DCDC2: variants seen among roughly 807,000 people sequenced by gnomAD.
DCDC2 encodes doublecortin domain containing 2, also known as doublecortin domain-containing protein 2.
DCDC2 carries 40 observed loss-of-function variants against 50.2 expected under a neutral mutation model. The observed-to-expected ratio is 0.80, with a 90% confidence interval of 0.62 to 1.04. The LOEUF (loss-of-function observed/expected upper bound fraction) is 1.04. Among genes scored for constraint, DCDC2 ranks in the 50% least tolerant of loss-of-function variants. DCDC2 has a pLI of 0.00. For missense variants in DCDC2, 570 were observed against 581.9 expected (o/e 0.98, Z 0.21); for synonymous variants, 234 against 210.6 (o/e 1.11, Z -0.96).
At chr6:24,185,723 A>C (rs1004984509) in intron 8 of DCDC2, among the ~76,000 whole-genome samples, 2 of 140,238 alleles carry the variant, frequency 1.4e-5, no homozygotes, top group Non-Finnish European at 3.1e-5. Context: ...ACACACACAC[A>C]CACATATACA....
intron 1 of DCDC2, chr6:24,357,214 C>G (rs758496257): frequency 8.0e-5 from 32 of 401,626 alleles, no homozygotes; most frequent in Admixed American, 2.0e-4. Context: ...CTTTAAGATT[C>G]CTGTTGTTTA....
chr6:24,180,576 C>A (rs970921031), intron 8 of DCDC2, among the ~76,000 whole-genome samples: 1 of 151,840 alleles, frequency 6.6e-6, no homozygotes, highest in Non-Finnish European at 1.5e-5. Flanking sequence ...GCATGAGCCA[C>A]CATGCCCGGC....
At chr6:24,322,237 T>C (rs1311231824) in intron 2 of DCDC2, among the ~76,000 whole-genome samples, 1 of 152,192 alleles carries the variant, frequency 6.6e-6, no homozygotes, top group African/African-American at 2.4e-5. Flanking sequence ...TCTGATTTTT[T>C]ATCTTGCCCA....
At chr6:24,368,940 C>T in the DCDC2 span, among the ~76,000 whole-genome samples, 1 of 152,060 alleles carries the variant, frequency 6.6e-6, no homozygotes, top group South Asian at 2.1e-4. Context: ...TCAAGACAAG[C>T]TTGGCCAACA....
chr6:24,355,022 C>T (rs576334936), intron 1 of DCDC2, among the ~76,000 whole-genome samples: 1 of 152,112 alleles, frequency 6.6e-6, no homozygotes, highest in Non-Finnish European at 1.5e-5. Flanking sequence ...ACAGTTTCTC[C>T]ATTCTTTACA....
chr6:24,207,062 T>C (rs1031657774), intron 7 of DCDC2, among the ~76,000 whole-genome samples: 2 of 152,336 alleles, frequency 1.3e-5, no homozygotes, highest in East Asian at 3.9e-4. Context: ...CCATAAACAT[T>C]ATATAAAATT....
chr6:24,329,602 G>A (rs1314117551), intron 2 of DCDC2, among the ~76,000 whole-genome samples: 1 of 152,122 alleles, frequency 6.6e-6, no homozygotes, highest in Non-Finnish European at 1.5e-5. Context: ...AAACAGAATG[G>A]GGAATTGGAG....
intron 2 of DCDC2, among the ~76,000 whole-genome samples, chr6:24,312,465 T>C (rs1233126670): frequency 6.6e-6 from 1 of 152,208 alleles, no homozygotes; most frequent in Non-Finnish European, 1.5e-5. Flanking sequence ...AATAATATTT[T>C]TTTTTAAATT....
chr6:24,284,546 G>A (rs987105140), intron 6 of DCDC2, among the ~76,000 whole-genome samples: 1 of 151,368 alleles, frequency 6.6e-6, no homozygotes, highest in African/African-American at 2.4e-5. Context: ...GTGGGGCAGA[G>A]GTTGCAGTGA....
intron 7 of DCDC2, among the ~76,000 whole-genome samples, chr6:24,265,775 T>C (rs1343549106): frequency 1.3e-5 from 2 of 151,692 alleles, no homozygotes; most frequent in Admixed American, 1.3e-4. Flanking sequence ...AAGAGGAAAG[T>C]TGATAGATGT....
intron 7 of DCDC2, among the ~76,000 whole-genome samples, chr6:24,238,918 G>A (rs1010222017): frequency 2.0e-5 from 3 of 152,158 alleles, no homozygotes; most frequent in Non-Finnish European, 4.4e-5. Flanking sequence ...CTCAAGGTGT[G>A]CAAGCAACTC....
At chr6:24,292,631 G>A (rs1763775763) in intron 4 of DCDC2, among the ~76,000 whole-genome samples, 1 of 152,214 alleles carries the variant, frequency 6.6e-6, no homozygotes, top group South Asian at 2.1e-4. Context: ...TACTTGGAAG[G>A]CTAAGGCAAG....
At chr6:24,211,464 A>T (rs1175452381) in intron 7 of DCDC2, among the ~76,000 whole-genome samples, 1 of 152,226 alleles carries the variant, frequency 6.6e-6, no homozygotes, top group African/African-American at 2.4e-5. Context: ...AGCATGTTAC[A>T]TGACATGGCA....
chr6:24,221,726 C>T (rs1309298665), intron 7 of DCDC2, among the ~76,000 whole-genome samples: 1 of 152,226 alleles, frequency 6.6e-6, no homozygotes, highest in Non-Finnish European at 1.5e-5. Flanking sequence ...TTTTAGCCTA[C>T]TTTATGGATA....
At chr6:24,197,082 C>G (rs539563701) in intron 8 of DCDC2, among the ~76,000 whole-genome samples, 13 of 152,276 alleles carry the variant, frequency 8.5e-5, no homozygotes, top group Admixed American at 8.5e-4. Context: ...CCTTTGGTTA[C>G]CTGGCTTTGG....
intron 6 of DCDC2, among the ~76,000 whole-genome samples, chr6:24,286,569 G>T (rs559163895): frequency 6.6e-6 from 1 of 150,438 alleles, no homozygotes; most frequent in Non-Finnish European, 1.5e-5. Context: ...CACCACCCTG[G>T]GTGACAGAGT....
At chr6:24,232,917 G>C (rs1259308569) in intron 7 of DCDC2, among the ~76,000 whole-genome samples, 1 of 151,974 alleles carries the variant, frequency 6.6e-6, no homozygotes, top group Non-Finnish European at 1.5e-5. Context: ...TATCTTCCTA[G>C]GAACAACCTG....
chr6:24,218,901 A>G (rs1360694049), intron 7 of DCDC2, among the ~76,000 whole-genome samples: 2 of 152,190 alleles, frequency 1.3e-5, no homozygotes, highest in African/African-American at 2.4e-5. Context: ...TCATTTGAAA[A>G]GGAATAATTC....
At chr6:24,247,177 A>G (rs1350125695) in intron 7 of DCDC2, among the ~76,000 whole-genome samples, 1 of 152,114 alleles carries the variant, frequency 6.6e-6, no homozygotes, top group African/African-American at 2.4e-5. Context: ...CAATCAAAGG[A>G]CTGCTTGAGC....
Sources: gnomAD v4.1 joint callset for allele counts (sites outside exome capture counted in the v4.1 genomes callset) on GRCh38, gnomAD v4.1.1 for gene constraint, MANE v1.5 for transcripts, NCBI Gene and HGNC (gene_info 2026-07-23, HGNC 2026-07-21) for gene names.